Variants in HIGD1A observed in about 807,000 individuals in gnomAD.
HIGD1A encodes the protein HIG1 hypoxia inducible domain family member 1A, also known as HIG1 domain family member 1A, mitochondrial.
In HIGD1A, 8 loss-of-function variants were observed where a neutral mutation model predicts 11.3. That is an observed-to-expected ratio of 0.71 (90% CI 0.42 to 1.28). HIGD1A has a LOEUF of 1.28. HIGD1A is among the 50% of genes most tolerant of loss of function. HIGD1A has a pLI of 0.01. For synonymous variants in HIGD1A, 32 were observed against 38.4 expected, an observed-to-expected ratio of 0.83 and a Z score of 0.62; for missense variants, 107 against 118.8, an observed-to-expected ratio of 0.90 and a Z score of 0.46.
chr3:42,794,160 CG>C lies in HIGD1A; in HGVS notation c.93del (p.Val32LeufsTer3). On this transcript the variant is annotated frameshift_variant, in exon 2 of 4. Transcript: ENST00000321331. LOFTEE classifies it high-confidence loss of function. ...IRKAKEAPFV[P>X]VGIAGFAAIV... is the part of the protein sequence containing the mutation. ...CTAAAATGTCAGTCAAACTTACCAA[CG>C]GGTACGAATGGTGCCTCTTTAGCTT... 6.3e-7 allele frequency: 1 copy of C among 1,599,810 alleles called. No homozygotes were observed. Among genetic ancestry groups the C allele is most frequent in the Non-Finnish European group, 8.5e-7 (1 of 1,175,988 alleles).
intron 1 of HIGD1A, among the ~76,000 whole-genome samples, chr3:42,803,503 A>G (rs1413834904): frequency 2.6e-5 from 4 of 152,228 alleles, no homozygotes; most frequent in Non-Finnish European, 5.9e-5. Flanking sequence ...TCTGGTGCAC[A>G]AAGAGAACTC....
At chr3:42,804,414 T>C in intron 1 of HIGD1A, 22 bp downstream of exon 1, 1 of 504,750 alleles carries the variant, frequency 2.0e-6, no homozygotes, top group Non-Finnish European at 3.5e-6. Context: ...TGGCTCGCAG[T>C]CCCCCGGCTT....
intron 2 of HIGD1A, among the ~76,000 whole-genome samples, chr3:42,788,543 TATATTTTCCAAG>T (rs1280743754): frequency 2.0e-5 from 3 of 152,130 alleles, no homozygotes; most frequent in Non-Finnish European, 4.4e-5. Flanking sequence ...TTTTTTCCAA[TATATTTTCCAAG>T]AAAACAAATC....
At chr3:42,804,074 C>T (rs1311858161) in intron 1 of HIGD1A, 5 of 1,288,346 alleles carry the variant, frequency 3.9e-6, no homozygotes, top group Non-Finnish European at 5.4e-6. Context: ...GGGAAGCTCC[C>T]GCTCCTCGCT....
intron 1 of HIGD1A, 82 bp downstream of exon 1, chr3:42,804,354 G>T: frequency 1.6e-6 from 1 of 643,356 alleles, no homozygotes; most frequent in East Asian, 3.1e-5. Context: ...AAGTCCTTTC[G>T]GCCTGGCCAA....
At chr3:42,794,085 G>C in intron 2 of HIGD1A, 72 bp downstream of exon 2, 1 of 1,423,242 alleles carries the variant, frequency 7.0e-7, no homozygotes, top group Non-Finnish European at 9.5e-7. Flanking sequence ...CATTCTTTCA[G>C]GATATTGCTA....
chr3:42,785,348 T>C (rs1194111827), intron 3 of HIGD1A, 28 bp from the exon 4 acceptor site: 4 of 1,573,224 alleles, frequency 2.5e-6, no homozygotes, highest in South Asian at 1.1e-5. Context: ...TAGTTAAGCA[T>C]TTCAGTATTT....
chr3:42,783,189 A>G lies in HIGD1A; in HGVS notation c.*2082T>C, dbSNP rs901756852. Among the ~76,000 whole-genome samples, 4 of 152,250 alleles carry G rather than the reference A, an allele frequency of 2.6e-5. No individual in the cohort carries two copies. The highest frequency in any genetic ancestry group is 2.9e-5 in the Non-Finnish European group (2 of 68,050). On this transcript the variant is annotated 3_prime_UTR_variant, in exon 4 of 4. Transcript: ENST00000321331. Reference sequence around the variant, plus strand: ...GAATGTAAATATTATATGTCCTCACAAGGTAGGAATGATACAACAAAAATT... The same window carrying G: ...GAATGTAAATATTATATGTCCTCACGAGGTAGGAATGATACAACAAAAATT...
chr3:42,802,154 C>T (rs1167157451), intron 1 of HIGD1A, among the ~76,000 whole-genome samples: 2 of 151,780 alleles, frequency 1.3e-5, no homozygotes, highest in African/African-American at 4.8e-5. Flanking sequence ...GTCAATGGAG[C>T]AAAAGGTTTT....
At chr3:42,801,955 G>A (rs929762871) in intron 1 of HIGD1A, among the ~76,000 whole-genome samples, 1 of 152,220 alleles carries the variant, frequency 6.6e-6, no homozygotes, top group African/African-American at 2.4e-5. Context: ...GCTTGAGCCT[G>A]GAAAGTGGAG....
At chr3:42,788,929 T>G (rs1267223925) in intron 2 of HIGD1A, among the ~76,000 whole-genome samples, 1 of 150,876 alleles carries the variant, frequency 6.6e-6, no homozygotes, top group Non-Finnish European at 1.5e-5. Flanking sequence ...CAAAGCAATA[T>G]AAATTATAAA....
chr3:42,803,420 C>T (rs1375558975), intron 1 of HIGD1A, among the ~76,000 whole-genome samples: 1 of 152,196 alleles, frequency 6.6e-6, no homozygotes, highest in African/African-American at 2.4e-5. Flanking sequence ...TGCCAAGGCC[C>T]CAGCATGGAG....
At chr3:42,804,281 G>T in intron 1 of HIGD1A, 155 bp downstream of exon 1, 1 of 1,371,684 alleles carries the variant, frequency 7.3e-7, no homozygotes, top group Non-Finnish European at 1.0e-6. Context: ...GGCCGGGCCT[G>T]AGCCCCGGCA....
chr3:42,794,483 T>A (rs1700469829), intron 1 of HIGD1A, among the ~76,000 whole-genome samples: 1 of 152,218 alleles, frequency 6.6e-6, no homozygotes, highest in Non-Finnish European at 1.5e-5. Context: ...ATTCCCCCTA[T>A]TATTTTGCCG....
chr3:42,800,592 CTTT>C (rs953819525), intron 1 of HIGD1A, among the ~76,000 whole-genome samples: 1 of 149,682 alleles, frequency 6.7e-6, no homozygotes, highest in Non-Finnish European at 1.5e-5. Context: ...TTTGGTTTTT[CTTT>C]TTTTACACTG....
chr3:42,789,393 C>T (rs922057324), intron 2 of HIGD1A, among the ~76,000 whole-genome samples: 6 of 151,762 alleles, frequency 4.0e-5, no homozygotes, highest in African/African-American at 7.3e-5. Context: ...TGGCCAGGAG[C>T]AGTGGCTCAT....
intron 2 of HIGD1A, among the ~76,000 whole-genome samples, chr3:42,792,242 G>C (rs905884424): frequency 6.6e-6 from 1 of 152,034 alleles, no homozygotes; most frequent in African/African-American, 2.4e-5. Context: ...TAACTTCTTG[G>C]AGAGCCATCT....
At chr3:42,791,738 A>G (rs1294211856) in intron 2 of HIGD1A, among the ~76,000 whole-genome samples, 2 of 152,166 alleles carry the variant, frequency 1.3e-5, no homozygotes, top group Non-Finnish European at 2.9e-5. Context: ...CCCATTAAAG[A>G]GCAGAAAATT....
At chr3:42,793,456 C>T (rs1214106696) in intron 2 of HIGD1A, among the ~76,000 whole-genome samples, 1 of 152,176 alleles carries the variant, frequency 6.6e-6, no homozygotes, top group African/African-American at 2.4e-5. Flanking sequence ...CCCCTCTCCC[C>T]CTGTGGGACT....
Sources: allele counts gnomAD v4.1 joint callset (sites outside exome capture counted in the v4.1 genomes callset), GRCh38; gene constraint gnomAD v4.1.1; transcripts MANE v1.5; gene names NCBI Gene and HGNC (gene_info 2026-07-23, HGNC 2026-07-21).